The following CNTN5 variants were observed in gnomAD, a reference collection of about 807,000 sequenced individuals.
CNTN5 encodes the protein contactin-5.
A neutral mutation model predicts 129.1 loss-of-function variants in CNTN5; 77 were observed. The ratio of observed to expected loss-of-function variants is 0.60; its 90% CI spans 0.50 to 0.72. The LOEUF (loss-of-function observed/expected upper bound fraction) is 0.72, where lower values mean the gene tolerates loss of function less well. CNTN5 is among the 30% of genes least tolerant of loss of function. The pLI is 0.00. For missense variants in CNTN5, 1,478 were observed against 1,328.8 expected (o/e 1.11, Z -1.75); for synonymous variants, 509 against 465.6 (o/e 1.09, Z -1.20).
chr11:99,100,820 AAATT>A (rs1229287241), intron 1 of CNTN5, among the ~76,000 whole-genome samples: 1 of 152,228 alleles, frequency 6.6e-6, no homozygotes, highest in Non-Finnish European at 1.5e-5. Flanking sequence ...ATACTAAAGA[AAATT>A]AAATAAAATG....
intron 2 of CNTN5, among the ~76,000 whole-genome samples, chr11:99,523,689 CAGAACAGAATAGAACAGAATAGAAT>C (rs1321686089): frequency 5.0e-4 from 36 of 71,698 alleles, no homozygotes; most frequent in South Asian, 2.4e-3. Flanking sequence ...CAGAACAGAA[CAGAACAGAATAGAACAGAATAGAAT>C]AGAATAGAAT....
intron 7 of CNTN5, among the ~76,000 whole-genome samples, chr11:99,924,972 T>G (rs980570695): frequency 6.6e-6 from 1 of 152,172 alleles, no homozygotes; most frequent in African/African-American, 2.4e-5. Flanking sequence ...AAAAGATTAG[T>G]TGAGTTGTGA....
chr11:99,389,635 T>A (rs1185488997), intron 2 of CNTN5, among the ~76,000 whole-genome samples: 1 of 152,144 alleles, frequency 6.6e-6, no homozygotes, highest in Non-Finnish European at 1.5e-5. Flanking sequence ...CTCCCAAATG[T>A]GCAAATAAAA....
At chr11:100,313,051 G>A (rs1378738740) in intron 21 of CNTN5, among the ~76,000 whole-genome samples, 1 of 151,960 alleles carries the variant, frequency 6.6e-6, no homozygotes, top group Non-Finnish European at 1.5e-5. Context: ...ATAGTTTGAG[G>A]GTTGGGTAGA....
intron 2 of CNTN5, among the ~76,000 whole-genome samples, chr11:99,455,673 G>T (rs1323872579): frequency 9.9e-5 from 15 of 152,028 alleles, no homozygotes; most frequent in African/African-American, 3.4e-4. Context: ...TCTGTGCAGA[G>T]GTTCCCGTAC....
chr11:100,300,837 AG>A (rs953326050), intron 20 of CNTN5, among the ~76,000 whole-genome samples: 3 of 151,624 alleles, frequency 2.0e-5, no homozygotes, highest in African/African-American at 7.3e-5. Context: ...TTTCAGATAA[AG>A]TCCATATACC....
chr11:99,916,212 T>C (rs1485342046), intron 7 of CNTN5, 63 bp downstream of exon 7: 40 of 1,294,710 alleles, frequency 3.1e-5, no homozygotes, highest in Non-Finnish European at 4.1e-5. Context: ...TTCATTCTTT[T>C]AGACAGTATA....
intron 3 of CNTN5, among the ~76,000 whole-genome samples, chr11:99,814,005 G>T (rs1273842139): frequency 6.6e-6 from 1 of 152,078 alleles, no homozygotes; most frequent in Non-Finnish European, 1.5e-5. Context: ...AAAATTAGGT[G>T]AGAGAAATGA....
At chr11:99,191,764 A>T (rs1858655613) in intron 1 of CNTN5, among the ~76,000 whole-genome samples, 1 of 151,854 alleles carries the variant, frequency 6.6e-6, no homozygotes, top group Non-Finnish European at 1.5e-5. Flanking sequence ...ATCCTGAGAC[A>T]ATAAAAAATG....
chr11:99,538,315 T>C (rs1365427844), intron 2 of CNTN5, among the ~76,000 whole-genome samples: 1 of 152,156 alleles, frequency 6.6e-6, no homozygotes, highest in Non-Finnish European at 1.5e-5. Flanking sequence ...GTTTATTTAG[T>C]TGCCCCCTTC....
intron 3 of CNTN5, among the ~76,000 whole-genome samples, chr11:99,621,483 A>T (rs1950948359): frequency 6.6e-6 from 1 of 152,218 alleles, no homozygotes; most frequent in South Asian, 2.1e-4. Context: ...AGCTACAAGT[A>T]GTGAGAACAC....
chr11:100,070,527 T>C lies in CNTN5; in HGVS notation c.1266T>C (p.Arg422=), dbSNP rs1487617389. Residue 422 remains arginine, a synonymous_variant, in exon 11 of 25, where the codon CGT becomes CGC. Transcript: ENST00000524871. ...KATGKPRPTY[R]WLKNGVPLSP... ...CTGGAAAACCCAGACCCACGTATCG[T>C]TGGCTGAAGAATGGAGTACCCCTCT... 1.9e-6 allele frequency: 3 copies of C among 1,613,156 alleles called. No individual in the cohort carries two copies. Among genetic ancestry groups the C allele is most frequent in the African/African-American group, 1.3e-5 (1 of 75,008 alleles).
chr11:100,013,276 G>A (rs1405453701), intron 9 of CNTN5, among the ~76,000 whole-genome samples: 1 of 152,058 alleles, frequency 6.6e-6, no homozygotes, highest in Admixed American at 6.6e-5. Flanking sequence ...TAAAAGCCCA[G>A]ACTTCACCAC....
chr11:100,355,006 A>G (rs1479854988), intron 24 of CNTN5, among the ~76,000 whole-genome samples: 1 of 151,686 alleles, frequency 6.6e-6, no homozygotes, highest in Non-Finnish European at 1.5e-5. Flanking sequence ...CATAGACTTT[A>G]TAACTGTATA....
At chr11:99,447,755 T>G (rs193287589) in intron 2 of CNTN5, among the ~76,000 whole-genome samples, 5 of 152,202 alleles carry the variant, frequency 3.3e-5, no homozygotes, top group Middle Eastern at 3.4e-3. Flanking sequence ...TGAAATCCCA[T>G]CTCTACTAAA....
chr11:99,297,798 C>G (rs568886979), intron 1 of CNTN5, among the ~76,000 whole-genome samples: 200 of 152,224 alleles, frequency 1.3e-3, no homozygotes, highest in Non-Finnish European at 2.4e-3. Context: ...ACAAAAATCC[C>G]TGGGAATTTT....
chr11:99,591,644 C>T lies in CNTN5; in HGVS notation c.55+35375C>T, dbSNP rs61911114. Among the ~76,000 whole-genome samples the T allele has an allele frequency of 4.4e-3, 667 of 152,156 alleles. 18 individuals are homozygous for T. Among genetic ancestry groups the T allele is most frequent in the East Asian group, 5.8e-3 (30 of 5,160 alleles). ...TGAGCCACCACGCCCAGCCCCTCAACAAAACCTTTTTATTTGGCAGCTGGT... is the reference window on the plus strand; with the variant it reads ...TGAGCCACCACGCCCAGCCCCTCAATAAAACCTTTTTATTTGGCAGCTGGT... On this transcript the variant is annotated intron_variant, in intron 3 of 24. Transcript: ENST00000524871.
chr11:99,294,583 T>G (rs1319696355), intron 1 of CNTN5, among the ~76,000 whole-genome samples: 1 of 152,148 alleles, frequency 6.6e-6, no homozygotes, highest in Non-Finnish European at 1.5e-5. Context: ...TTGTTATAAA[T>G]TTCATATTAC....
intron 21 of CNTN5, among the ~76,000 whole-genome samples, chr11:100,333,652 C>T (rs1302387152): frequency 6.6e-6 from 1 of 152,110 alleles, no homozygotes; most frequent in Admixed American, 6.6e-5. Flanking sequence ...GCCAACTGAT[C>T]TTTGACAAAT....
Sources: gnomAD v4.1 joint callset for allele counts (sites outside exome capture counted in the v4.1 genomes callset) on GRCh38, gnomAD v4.1.1 for gene constraint, MANE v1.5 for transcripts, NCBI Gene and HGNC (gene_info 2026-07-23, HGNC 2026-07-21) for gene names.